The following ADGRL3 variants were observed in gnomAD, a reference collection of about 807,000 sequenced individuals.
ADGRL3 encodes calcium-independent alpha-latrotoxin receptor 3.
ADGRL3 carries 62 observed loss-of-function variants against 153.5 expected under a neutral mutation model. The ratio of observed to expected loss-of-function variants is 0.40; its 90% CI spans 0.33 to 0.50. ADGRL3 has a LOEUF of 0.50. Among genes scored for constraint, ADGRL3 ranks in the 20% least tolerant of loss-of-function variants. ADGRL3 has a pLI of 0.47. For synonymous variants in ADGRL3, 710 were observed against 672.5 expected, an observed-to-expected ratio of 1.06 and a Z score of -0.86; for missense variants, 1,641 against 1,859.4, an observed-to-expected ratio of 0.88 and a Z score of 2.16.
chr4:61,480,258 C>A (rs916698112), intron 2 of ADGRL3, among the ~76,000 whole-genome samples: 1 of 152,088 alleles, frequency 6.6e-6, no homozygotes, highest in Non-Finnish European at 1.5e-5. Context: ...TTTTACATTC[C>A]AAATATAAGT....
At chr4:61,312,015 C>A (rs1474418383) in intron 1 of ADGRL3, among the ~76,000 whole-genome samples, 2 of 152,004 alleles carry the variant, frequency 1.3e-5, no homozygotes, top group Non-Finnish European at 2.9e-5. Flanking sequence ...GATCTCTGTA[C>A]CTTCCACTCA....
intron 1 of ADGRL3, among the ~76,000 whole-genome samples, chr4:61,234,439 G>A (rs1752019582): frequency 6.6e-6 from 1 of 152,106 alleles, no homozygotes; most frequent in African/African-American, 2.4e-5. Flanking sequence ...GGGAATTCTG[G>A]TAGATACAAT....
intron 8 of ADGRL3, among the ~76,000 whole-genome samples, chr4:61,802,370 C>T (rs2097508354): frequency 6.6e-6 from 1 of 152,092 alleles, no homozygotes; most frequent in South Asian, 2.1e-4. Flanking sequence ...TGCTTCAGAA[C>T]TAAAAAGTTC....
intron 2 of ADGRL3, among the ~76,000 whole-genome samples, chr4:61,409,386 T>A (rs886915843): frequency 8.7e-6 from 1 of 114,472 alleles, no homozygotes; most frequent in African/African-American, 2.9e-5. Flanking sequence ...ATATATTATA[T>A]ATATATTAGA....
intron 15 of ADGRL3, among the ~76,000 whole-genome samples, chr4:61,938,677 TC>T (rs1036196978): frequency 1.3e-5 from 2 of 152,006 alleles, no homozygotes; most frequent in African/African-American, 4.8e-5. Context: ...CTTCTTTGTG[TC>T]ACTAGCTCCT....
intron 1 of ADGRL3, among the ~76,000 whole-genome samples, chr4:61,353,347 C>T (rs933377734): frequency 2.0e-5 from 3 of 151,732 alleles, no homozygotes; most frequent in Non-Finnish European, 4.4e-5. Context: ...ACACATACAC[C>T]CATTTTATAC....
intron 6 of ADGRL3, among the ~76,000 whole-genome samples, chr4:61,682,396 AT>A (rs1206923690): frequency 6.6e-6 from 1 of 151,910 alleles, no homozygotes; most frequent in Non-Finnish European, 1.5e-5. Context: ...AGAATCTTTT[AT>A]ATAACAGATG....
intron 15 of ADGRL3, among the ~76,000 whole-genome samples, chr4:61,936,597 AG>A (rs1382934396): frequency 2.3e-4 from 35 of 152,216 alleles, no homozygotes; most frequent in African/African-American, 8.4e-4. Context: ...AATCTTATAA[AG>A]TATGTCCACA....
chr4:61,398,950 G>A (rs992982982), intron 2 of ADGRL3, among the ~76,000 whole-genome samples: 1 of 151,460 alleles, frequency 6.6e-6, no homozygotes, highest in Admixed American at 6.6e-5. Context: ...ACACATATAT[G>A]TGCTTTTTCT....
intron 2 of ADGRL3, among the ~76,000 whole-genome samples, chr4:61,452,289 G>A (rs1026749573): frequency 2.6e-5 from 4 of 152,146 alleles, no homozygotes; most frequent in African/African-American, 9.7e-5. Context: ...TGAGGCCTCT[G>A]TTATACTCGT....
intron 5 of ADGRL3, among the ~76,000 whole-genome samples, chr4:61,613,497 A>G (rs895586027): frequency 8.5e-5 from 13 of 152,242 alleles, no homozygotes; most frequent in African/African-American, 2.6e-4. Flanking sequence ...TAATCCCACC[A>G]CTTTGGGAGG....
intron 9 of ADGRL3, among the ~76,000 whole-genome samples, chr4:61,885,179 G>A (rs2098530993): frequency 6.6e-6 from 1 of 151,896 alleles, no homozygotes; most frequent in East Asian, 2.0e-4. Context: ...AGGAAGCTGA[G>A]GCAGGAGAAT....
intron 17 of ADGRL3, among the ~76,000 whole-genome samples, chr4:61,960,968 G>T (rs147505264): frequency 2.6e-4 from 40 of 152,146 alleles, no homozygotes; most frequent in African/African-American, 9.6e-4. Flanking sequence ...TTGGCCTCCC[G>T]AAGTGCTGAG....
chr4:61,300,151 A>G (rs1438938492), intron 1 of ADGRL3, among the ~76,000 whole-genome samples: 1 of 152,202 alleles, frequency 6.6e-6, no homozygotes, highest in African/African-American at 2.4e-5. Context: ...TTCATATATA[A>G]TGCCAGTATC....
chr4:61,929,594 C>T (rs1318113385), intron 13 of ADGRL3, among the ~76,000 whole-genome samples: 1 of 152,082 alleles, frequency 6.6e-6, no homozygotes, highest in East Asian at 1.9e-4. Context: ...ATGGCAAATC[C>T]CTCAGCCAAG....
intron 2 of ADGRL3, among the ~76,000 whole-genome samples, chr4:61,464,703 T>G (rs1283939472): frequency 6.6e-6 from 1 of 152,186 alleles, no homozygotes; most frequent in Non-Finnish European, 1.5e-5. Context: ...ATATAACTGA[T>G]ATGGAAGATA....
intron 5 of ADGRL3, among the ~76,000 whole-genome samples, chr4:61,619,516 T>TACACACACACAC (rs34015455): frequency 2.0e-5 from 3 of 149,438 alleles, no homozygotes; most frequent in East Asian, 3.9e-4. Context: ...GAATGTGAGA[T>TACACACACACAC]ACACACACAC....
intron 6 of ADGRL3, among the ~76,000 whole-genome samples, chr4:61,690,485 G>A (rs1448355899): frequency 6.6e-6 from 1 of 151,732 alleles, no homozygotes; most frequent in African/African-American, 2.4e-5. Flanking sequence ...AAAACTAATG[G>A]AATTATGGAC....
chr4:61,861,385 G>C (rs1321048068), intron 9 of ADGRL3, among the ~76,000 whole-genome samples: 1 of 152,052 alleles, frequency 6.6e-6, no homozygotes, highest in East Asian at 1.9e-4. Flanking sequence ...TTTGGAAAAG[G>C]GTTCTGAAAG....
Sources: gnomAD v4.1 joint callset for allele counts (sites outside exome capture counted in the v4.1 genomes callset) on GRCh38, gnomAD v4.1.1 for gene constraint, MANE v1.5 for transcripts, NCBI Gene and HGNC (gene_info 2026-07-23, HGNC 2026-07-21) for gene names.